The following ANO6 variants were observed in gnomAD, a reference collection of about 807,000 sequenced individuals.
ANO6 encodes the protein anoctamin 6.
A neutral mutation model predicts 117.5 loss-of-function variants in ANO6; 106 were observed. That is an observed-to-expected ratio of 0.90 (90% CI 0.77 to 1.06). ANO6 has a LOEUF of 1.06. ANO6 is among the 50% of genes least tolerant of loss of function. The pLI is 0.00. For missense variants in ANO6, 955 were observed against 1,121.1 expected (o/e 0.85, Z 2.12); for synonymous variants, 367 against 385.1 (o/e 0.95, Z 0.55).
chr12:45,261,537 C>CA (rs1341457315), intron 1 of ANO6, among the ~76,000 whole-genome samples: 2 of 152,232 alleles, frequency 1.3e-5, no homozygotes, highest in Admixed American at 6.5e-5. Flanking sequence ...CAGGAACACT[C>CA]ACAGTTGTAT....
In ANO6 at chr12:45,390,472, C is replaced by G. The variant is rs1248052682; in HGVS notation, c.1360C>G (p.Leu454Val). 1 of 1,613,864 alleles carries G rather than the reference C, an allele frequency of 6.2e-7. No individual in the cohort carries two copies. Among genetic ancestry groups the G allele is most frequent in the South Asian group, 1.1e-5 (1 of 91,016 alleles). ...CTGGGGAAAATGTATACGGATAACC[C>G]TCTGTGCCAGTGCTGTCTTTTTCTG... ...TAWGKCIRIT[L>V]CASAVFFWIL... The change falls in exon 12 of 20, where the codon CTC (leucine) becomes GTC (valine). Residue 454 changes from leucine (L) to valine (V), a missense_variant. Transcript: ENST00000320560.
intron 12 of ANO6, among the ~76,000 whole-genome samples, chr12:45,394,527 A>G (rs1243892139): frequency 6.6e-6 from 1 of 152,156 alleles, no homozygotes; most frequent in African/African-American, 2.4e-5. Context: ...CCACCCAAAA[A>G]CAACAGAATA....
At chr12:45,349,752 A>G (rs536490640) in intron 6 of ANO6, among the ~76,000 whole-genome samples, 6 of 152,214 alleles carry the variant, frequency 3.9e-5, no homozygotes, top group Non-Finnish European at 8.8e-5. Context: ...TGATCCTAAG[A>G]GACCCAATGT....
intron 1 of ANO6, among the ~76,000 whole-genome samples, chr12:45,233,388 T>G (rs1435310534): frequency 2.6e-5 from 4 of 152,250 alleles, no homozygotes; most frequent in African/African-American, 9.6e-5. Context: ...GCAAATTCTG[T>G]TATCACTTGC....
chr12:45,394,820 G>A (rs148341689), intron 12 of ANO6, among the ~76,000 whole-genome samples: 2,082 of 152,338 alleles, frequency 0.014, 21 homozygotes, highest in Non-Finnish European at 0.021. Flanking sequence ...CAACATGCCA[G>A]AATCTCTGAG....
intron 1 of ANO6, among the ~76,000 whole-genome samples, chr12:45,274,048 C>A (rs2137239365): frequency 6.6e-6 from 1 of 152,250 alleles, no homozygotes; most frequent in East Asian, 1.9e-4. Flanking sequence ...TATCTTGATT[C>A]TGCTCACTGC....
chr12:45,318,038 A>G (rs1940114341), intron 2 of ANO6, among the ~76,000 whole-genome samples: 1 of 152,108 alleles, frequency 6.6e-6, no homozygotes, highest in Non-Finnish European at 1.5e-5. Context: ...TTGTCAGATG[A>G]GTAGATTGCA....
intron 1 of ANO6, among the ~76,000 whole-genome samples, chr12:45,259,219 C>G (rs1423824123): frequency 6.6e-6 from 1 of 152,160 alleles, no homozygotes; most frequent in Non-Finnish European, 1.5e-5. Flanking sequence ...CCCCATGGTG[C>G]TTGGCACATA....
intron 1 of ANO6, among the ~76,000 whole-genome samples, chr12:45,240,759 G>C (rs951667855): frequency 6.6e-6 from 1 of 151,570 alleles, no homozygotes; most frequent in Non-Finnish European, 1.5e-5. Flanking sequence ...GTGACAAAAT[G>C]TCTCAGCATT....
chr12:45,233,217 C>T (rs534529140), intron 1 of ANO6, among the ~76,000 whole-genome samples: 1 of 152,220 alleles, frequency 6.6e-6, no homozygotes, highest in Non-Finnish European at 1.5e-5. Context: ...TGATATGCTT[C>T]TCTCAATATT....
intron 1 of ANO6, among the ~76,000 whole-genome samples, chr12:45,270,713 C>G (rs1938368080): frequency 6.6e-6 from 1 of 152,174 alleles, no homozygotes; most frequent in African/African-American, 2.4e-5. Flanking sequence ...TGAAAATAAT[C>G]CATTCCTATA....
At chr12:45,357,466 T>C (rs758192990) in intron 8 of ANO6, 42 bp downstream of exon 8, 7 of 1,610,646 alleles carry the variant, frequency 4.3e-6, no homozygotes, top group Middle Eastern at 2.1e-4. Flanking sequence ...GAAAAGTTTA[T>C]TAGACATAAA....
chr12:45,399,161 A>G (rs528849681), intron 12 of ANO6, among the ~76,000 whole-genome samples: 188 of 152,196 alleles, frequency 1.2e-3, no homozygotes, highest in Middle Eastern at 3.4e-3. Context: ...CAGATGTCAC[A>G]TCTTCCAAGC....
chr12:45,437,862 C>T (rs1464578589), intron 19 of ANO6, among the ~76,000 whole-genome samples: 1 of 152,158 alleles, frequency 6.6e-6, no homozygotes, highest in African/African-American at 2.4e-5. Flanking sequence ...AGCCACCACA[C>T]CCGACCTCAA....
chr12:45,280,463 G>T (rs949949571), intron 1 of ANO6, among the ~76,000 whole-genome samples: 1 of 152,186 alleles, frequency 6.6e-6, no homozygotes, highest in African/African-American at 2.4e-5. Flanking sequence ...TACTAGCACA[G>T]AATCTCCATC....
chr12:45,422,787 T>TG (rs1448905543), intron 18 of ANO6, among the ~76,000 whole-genome samples, 170 bp from the exon 19 acceptor site: 2 of 152,158 alleles, frequency 1.3e-5, no homozygotes, highest in East Asian at 3.9e-4. Context: ...GTGGCCAGGC[T>TG]GGTGTCGCAC....
chr12:45,248,488 G>T (rs1240472950), intron 1 of ANO6, among the ~76,000 whole-genome samples: 1 of 149,394 alleles, frequency 6.7e-6, no homozygotes, highest in African/African-American at 2.5e-5. Context: ...GGCTGGAGTG[G>T]AGTGGCATGA....
rs1188501439 is a variant in ANO6, at chr12:45,395,422, G to A, written c.1386+4924G>A. On this transcript the variant is annotated intron_variant, in intron 12 of 19. Coordinates refer to ENST00000320560, the MANE Select transcript of ANO6 (RefSeq NM_001025356.3). ...AATTCTACCAGAGGTACAAAGAGGAGCTGCTACCATTCCTTCTGACACCAT... is the reference window on the plus strand; with the variant it reads ...AATTCTACCAGAGGTACAAAGAGGAACTGCTACCATTCCTTCTGACACCAT... 2.0e-5 allele frequency among the ~76,000 whole-genome samples: 3 copies of A among 152,166 alleles called. No individual in the cohort carries two copies. The East Asian group carries it at 5.8e-4, about 29-fold the overall frequency.
At chr12:45,425,708 A>G (rs1943485139) in intron 19 of ANO6, among the ~76,000 whole-genome samples, 1 of 152,222 alleles carries the variant, frequency 6.6e-6, no homozygotes. Context: ...AAAACAGATC[A>G]TTTCAATCCT....
Sources: gnomAD v4.1 joint callset for allele counts (sites outside exome capture counted in the v4.1 genomes callset) on GRCh38, gnomAD v4.1.1 for gene constraint, MANE v1.5 for transcripts, NCBI Gene and HGNC (gene_info 2026-07-23, HGNC 2026-07-21) for gene names.